The following OR1B1 variants were observed in gnomAD, a reference collection of about 807,000 sequenced individuals.
OR1B1 encodes the protein olfactory receptor 1B1.
For synonymous variants in OR1B1, 168 were observed against 156.2 expected (o/e 1.08, Z -0.57); for missense variants, 414 against 402.1 (o/e 1.03, Z -0.25).
chr9:122,651,350 G>A, the OR1B1 span, among the ~76,000 whole-genome samples: 15 of 152,200 alleles, frequency 9.9e-5, no homozygotes, highest in South Asian at 8.3e-4. Context: ...CTAGCTATTC[G>A]AAACTACGTA....
chr9:122,655,196 ATG>A, the OR1B1 span, among the ~76,000 whole-genome samples: 2 of 152,134 alleles, frequency 1.3e-5, no homozygotes, highest in Non-Finnish European at 2.9e-5. Context: ...AAAAGAAAGA[ATG>A]TGTGATGAGG....
chr9:122,634,191 C>T (rs1200987274), upstream of OR1B1, among the ~76,000 whole-genome samples: 1 of 151,876 alleles, frequency 6.6e-6, no homozygotes, highest in African/African-American at 2.4e-5. Context: ...ACAAAATTAG[C>T]CAGGCGTGGT....
chr9:122,640,534 A>C, the OR1B1 span, among the ~76,000 whole-genome samples: 2 of 152,224 alleles, frequency 1.3e-5, no homozygotes, highest in African/African-American at 4.8e-5. Context: ...GAAAAGCAGG[A>C]AATTTGGTGA....
At chr9:122,638,528 A>T in the OR1B1 span, among the ~76,000 whole-genome samples, 2 of 152,228 alleles carry the variant, frequency 1.3e-5, no homozygotes, top group Non-Finnish European at 2.9e-5. Context: ...CACATTCAGC[A>T]CCAGGATACT....
chr9:122,655,296 C>CA, the OR1B1 span, among the ~76,000 whole-genome samples: 1 of 152,166 alleles, frequency 6.6e-6, no homozygotes, highest in Non-Finnish European at 1.5e-5. Flanking sequence ...TATCTTCCTT[C>CA]AAGTCCTCTC....
At chr9:122,650,840 G>A in the OR1B1 span, among the ~76,000 whole-genome samples, 3 of 151,924 alleles carry the variant, frequency 2.0e-5, no homozygotes, top group Admixed American at 6.6e-5. Context: ...TGGCTAACAC[G>A]GTGAAACCCC....
upstream of OR1B1, among the ~76,000 whole-genome samples, chr9:122,630,976 G>A (rs1296078115): frequency 2.6e-5 from 4 of 152,138 alleles, no homozygotes; most frequent in East Asian, 7.8e-4. Flanking sequence ...AAAGTGCTGG[G>A]ATTACAGGCA....
chr9:122,628,732 A>T (rs770062493), exon 1 of OR1B1: 1 of 1,614,046 alleles, frequency 6.2e-7, no homozygotes, highest in Admixed American at 1.7e-5. Flanking sequence ...TCTGGAAGGG[A>T]GGCTGGAAGT....
the OR1B1 span, among the ~76,000 whole-genome samples, chr9:122,653,670 TTGA>T: frequency 6.6e-6 from 1 of 152,136 alleles, no homozygotes; most frequent in South Asian, 2.1e-4. Flanking sequence ...CTGGCTGAAA[TTGA>T]GGTTATAAAA....
chr9:122,641,296 T>C, the OR1B1 span, among the ~76,000 whole-genome samples: 1 of 152,366 alleles, frequency 6.6e-6, no homozygotes, highest in Admixed American at 6.5e-5. Context: ...TTTCAAAAAA[T>C]AATTACTGAA....
the OR1B1 span, among the ~76,000 whole-genome samples, chr9:122,645,217 T>TA: frequency 4.6e-5 from 7 of 151,862 alleles, no homozygotes; most frequent in African/African-American, 1.7e-4. Context: ...AGCTTGAAGA[T>TA]ATGCTATTTG....
chr9:122,656,897 CACT>C, the OR1B1 span, among the ~76,000 whole-genome samples: 3 of 152,116 alleles, frequency 2.0e-5, no homozygotes, highest in Non-Finnish European at 4.4e-5. Flanking sequence ...TAAGCATTGG[CACT>C]ACATTTTTTT....
chr9:122,653,299 A>C, the OR1B1 span, among the ~76,000 whole-genome samples: 1,379 of 152,322 alleles, frequency 9.1e-3, 21 homozygotes, highest in African/African-American at 0.031. Context: ...TATGAAAGGA[A>C]GTATAGCTTC....
chr9:122,635,771 A>G, the OR1B1 span, among the ~76,000 whole-genome samples: 2 of 152,210 alleles, frequency 1.3e-5, no homozygotes, highest in African/African-American at 4.8e-5. Flanking sequence ...GAAGAATCAC[A>G]GTAACTCCCA....
chr9:122,638,471 T>G, the OR1B1 span, among the ~76,000 whole-genome samples: 1 of 152,160 alleles, frequency 6.6e-6, no homozygotes, highest in Non-Finnish European at 1.5e-5. Flanking sequence ...TATTGATGCC[T>G]TCTAAGGTTA....
the OR1B1 span, among the ~76,000 whole-genome samples, chr9:122,654,362 G>T: frequency 6.6e-6 from 1 of 152,190 alleles, no homozygotes; most frequent in Non-Finnish European, 1.5e-5. Flanking sequence ...GCATCTATCT[G>T]ATTCCAGTGC....
At chr9:122,636,348 C>T in the OR1B1 span, among the ~76,000 whole-genome samples, 2 of 152,380 alleles carry the variant, frequency 1.3e-5, no homozygotes, top group South Asian at 4.1e-4. Flanking sequence ...GGAGCAGTGG[C>T]TCACGCCTGT....
chr9:122,651,358 G>A, the OR1B1 span, among the ~76,000 whole-genome samples: 211 of 152,240 alleles, frequency 1.4e-3, no homozygotes, highest in African/African-American at 4.6e-3. Flanking sequence ...TCGAAACTAC[G>A]TAATGTATTA....
At chr9:122,635,135 C>T in the OR1B1 span, among the ~76,000 whole-genome samples, 3 of 152,100 alleles carry the variant, frequency 2.0e-5, no homozygotes, top group Admixed American at 2.0e-4. Flanking sequence ...ACCTAAGTGT[C>T]TTTTAATGAA....
Sources: allele counts gnomAD v4.1 joint callset (sites outside exome capture counted in the v4.1 genomes callset), GRCh38; gene constraint gnomAD v4.1.1; transcripts MANE v1.5; gene names NCBI Gene and HGNC (gene_info 2026-07-23, HGNC 2026-07-21).